CEP112: variants seen among roughly 807,000 people sequenced by gnomAD.
CEP112 encodes centrosomal protein 112.
CEP112 carries 127 observed loss-of-function variants against 153.0 expected under a neutral mutation model. That is an observed-to-expected ratio of 0.83 (90% CI 0.72 to 0.96). The LOEUF is 0.96. Among genes scored for constraint, CEP112 ranks in the 40% least tolerant of loss-of-function variants. CEP112 has a pLI of 0.00. For synonymous variants in CEP112, 358 were observed against 374.4 expected (o/e 0.96, Z 0.51); for missense variants, 1,089 against 1,101.2 (o/e 0.99, Z 0.16).
rs149602152 is a variant in CEP112, at chr17:66,126,300, T to C, written c.642+3446A>G. Among the ~76,000 whole-genome samples the C allele has an allele frequency of 1.5e-3, 227 of 152,330 alleles. 4 individuals carry two copies. The South Asian group carries it at 0.031, about 21-fold the overall frequency. The stretch of plus-strand genomic sequence containing the variant: ...TATTCCTGACATAGATCTTAAGATA[T>C]TACATTAATCGCAAAATAAATAGAA... On this transcript the variant is annotated intron_variant, in intron 6 of 26. Transcript: ENST00000535342.
chr17:65,984,209 T>C (rs1184091536), intron 17 of CEP112, among the ~76,000 whole-genome samples: 1 of 152,182 alleles, frequency 6.6e-6, no homozygotes, highest in East Asian at 1.9e-4. Context: ...TTATTATTGA[T>C]TTCTAATTTG....
At chr17:65,700,500 G>C (rs1013881945) in intron 23 of CEP112, among the ~76,000 whole-genome samples, 1 of 152,132 alleles carries the variant, frequency 6.6e-6, no homozygotes, top group Non-Finnish European at 1.5e-5. Context: ...GTCCTGGGGA[G>C]TGAATCACAG....
At chr17:66,086,380 C>CTTTTCTTTTTTTTTTTT (rs2067931452) in intron 8 of CEP112, among the ~76,000 whole-genome samples, 2 of 67,026 alleles carry the variant, frequency 3.0e-5, no homozygotes, top group African/African-American at 1.3e-4. Flanking sequence ...ATTTTCTTTT[C>CTTTTCTTTTTTTTTTTT]TTTTTTTTTT....
intron 4 of CEP112, among the ~76,000 whole-genome samples, chr17:66,140,324 G>C (rs117222129): frequency 6.6e-6 from 1 of 151,948 alleles, no homozygotes; most frequent in African/African-American, 2.4e-5. Flanking sequence ...CATAATACTC[G>C]AACAGTGAAA....
chr17:65,838,581 G>A (rs1034242445), intron 21 of CEP112, among the ~76,000 whole-genome samples: 2 of 151,960 alleles, frequency 1.3e-5, no homozygotes, highest in Non-Finnish European at 2.9e-5. Context: ...ATCTAACACT[G>A]CACTTCTAGG....
At chr17:65,648,595 T>C (rs958909266) in intron 24 of CEP112, among the ~76,000 whole-genome samples, 4 of 152,128 alleles carry the variant, frequency 2.6e-5, no homozygotes, top group Non-Finnish European at 5.9e-5. Flanking sequence ...GCATAAATAA[T>C]AGACTATAAG....
chr17:66,179,821 G>A (rs901728339), intron 2 of CEP112, among the ~76,000 whole-genome samples: 3 of 151,990 alleles, frequency 2.0e-5, no homozygotes, highest in Non-Finnish European at 4.4e-5. Context: ...ACTAGCTATG[G>A]GTCTGTCATA....
At chr17:65,636,140 G>A (rs776512880) in intron 26 of CEP112, among the ~76,000 whole-genome samples, 166 bp from the exon 27 acceptor site, 13 of 152,170 alleles carry the variant, frequency 8.5e-5, no homozygotes, top group Non-Finnish European at 1.6e-4. Flanking sequence ...TACCTACACC[G>A]AGCAAACAGA....
At chr17:65,693,797 A>G (rs2048234384) in intron 23 of CEP112, among the ~76,000 whole-genome samples, 1 of 152,162 alleles carries the variant, frequency 6.6e-6, no homozygotes, top group African/African-American at 2.4e-5. Context: ...CCCCAAGGTT[A>G]TTAGGAGACA....
intron 12 of CEP112, among the ~76,000 whole-genome samples, chr17:66,048,550 C>T (rs8078381): frequency 0.57 from 86,644 of 152,146 alleles, 25,843 homozygotes; most frequent in African/African-American, 0.67. Flanking sequence ...AATATATAGG[C>T]GAACCTTCTT....
intron 24 of CEP112, among the ~76,000 whole-genome samples, chr17:65,679,432 G>A (rs1324488493): frequency 6.6e-6 from 1 of 152,080 alleles, no homozygotes; most frequent in Non-Finnish European, 1.5e-5. Context: ...TTACATTTCT[G>A]TTGCAATTCC....
chr17:65,891,304 T>G (rs1269314760), intron 20 of CEP112, among the ~76,000 whole-genome samples: 1 of 152,180 alleles, frequency 6.6e-6, no homozygotes, highest in Admixed American at 6.5e-5. Flanking sequence ...GCTTTAATTA[T>G]TATCTATATG....
Position 65,706,357 on chromosome 17 carries a change from C to T in CEP112, c.2608-17139G>A, listed in dbSNP as rs2048914716. Among the ~76,000 whole-genome samples, 3 of 152,126 alleles carry T rather than the reference C, an allele frequency of 2.0e-5. No homozygotes were observed. In the South Asian group the frequency reaches 6.2e-4, roughly 32 times the overall value. ...GGGGTGTGCTCAGGACACCCTGGTG[C>T]AGTCCCTGGAGCAGGACCTGGAATA... On this transcript the variant is annotated intron_variant, in intron 23 of 26. Coordinates refer to ENST00000535342, the MANE Select transcript of CEP112 (RefSeq NM_001199165.4).
At chr17:65,644,284 A>T in intron 24 of CEP112, 1 of 575,898 alleles carries the variant, frequency 1.7e-6, no homozygotes, top group South Asian at 2.1e-5. Flanking sequence ...CTGTTTTCCT[A>T]AGCTGGCACT....
intron 4 of CEP112, among the ~76,000 whole-genome samples, chr17:66,139,817 C>T (rs1436063182): frequency 1.3e-5 from 2 of 152,016 alleles, no homozygotes; most frequent in Non-Finnish European, 2.9e-5. Context: ...CAAGAAAAGC[C>T]CAGAACCAGA....
intron 4 of CEP112, among the ~76,000 whole-genome samples, chr17:66,157,996 A>T (rs937031834): frequency 2.0e-5 from 3 of 152,160 alleles, no homozygotes; most frequent in Non-Finnish European, 4.4e-5. Flanking sequence ...GAAAATTAAC[A>T]AGGAGATTCA....
chr17:65,752,588 G>A (rs2051949156), intron 21 of CEP112, among the ~76,000 whole-genome samples: 1 of 152,192 alleles, frequency 6.6e-6, no homozygotes, highest in East Asian at 1.9e-4. Context: ...AGGGATGGGG[G>A]CAGTCTTGGG....
intron 24 of CEP112, among the ~76,000 whole-genome samples, chr17:65,657,529 T>C (rs373205529): frequency 6.6e-5 from 10 of 152,168 alleles, no homozygotes; most frequent in African/African-American, 2.4e-4. Context: ...GCAAGGTACA[T>C]CCCTGAAAGC....
chr17:66,012,129 T>C (rs1399346499), intron 16 of CEP112, among the ~76,000 whole-genome samples: 1 of 152,200 alleles, frequency 6.6e-6, no homozygotes, highest in East Asian at 1.9e-4. Context: ...CTCTGAGATG[T>C]GTCTCTCAAA....
Sources: gnomAD v4.1 joint callset for allele counts (sites outside exome capture counted in the v4.1 genomes callset) on GRCh38, gnomAD v4.1.1 for gene constraint, MANE v1.5 for transcripts, NCBI Gene and HGNC (gene_info 2026-07-23, HGNC 2026-07-21) for gene names.